The following TRIQK variants were observed in gnomAD, a reference collection of about 807,000 sequenced individuals.
The protein encoded by TRIQK is triple QxxK/R motif-containing protein.
TRIQK carries 10 observed loss-of-function variants against 10.8 expected under a neutral mutation model. The ratio of observed to expected loss-of-function variants is 0.92; its 90% CI spans 0.57 to 1.57. The LOEUF is 1.57. TRIQK is among the 40% of genes most tolerant of loss of function. TRIQK has a pLI of 0.00. For missense variants in TRIQK, 107 were observed against 97.7 expected, an observed-to-expected ratio of 1.09 and a Z score of -0.40; for synonymous variants, 33 against 33.7, an observed-to-expected ratio of 0.98 and a Z score of 0.07.
chr8:92,961,266 G>A (rs10111926), intron 1 of TRIQK, among the ~76,000 whole-genome samples: 5,929 of 151,996 alleles, frequency 0.039, 409 homozygotes, highest in African/African-American at 0.14. Context: ...TCCATTTATC[G>A]ATAAAGGGGA....
intron 1 of TRIQK, among the ~76,000 whole-genome samples, chr8:92,990,271 C>T (rs1813083145): frequency 6.6e-6 from 1 of 152,100 alleles, no homozygotes; most frequent in South Asian, 2.1e-4. Context: ...TTAAATTAAC[C>T]AGAACATCTG....
upstream of TRIQK, among the ~76,000 whole-genome samples, chr8:92,969,231 C>T (rs914327889): frequency 2.6e-5 from 4 of 151,994 alleles, no homozygotes; most frequent in African/African-American, 9.7e-5. Context: ...TAACATGATG[C>T]CCCTCTTTGT....
At chr8:92,918,120 T>A (rs574853120) in intron 2 of TRIQK, among the ~76,000 whole-genome samples, 11 of 152,206 alleles carry the variant, frequency 7.2e-5, no homozygotes, top group African/African-American at 2.4e-4. Context: ...TATCCATTCA[T>A]CTACTGATGG....
At chr8:92,957,891 C>T (rs1812253707) in intron 1 of TRIQK, among the ~76,000 whole-genome samples, 1 of 151,802 alleles carries the variant, frequency 6.6e-6, no homozygotes, top group Non-Finnish European at 1.5e-5. Flanking sequence ...TATATATTCC[C>T]CCTTAAAGGA....
Position 92,891,971 on chromosome 8 carries a change from T to G in TRIQK, c.147+18A>C. ...GCATGCACATATCAAATTTTAAAGT[T>G]ATCAAATAGAGGTTTACCTTTATGC... On this transcript the variant is annotated intron_variant, in intron 4 of 4. Transcript: ENST00000521988. 1 of 1,514,406 alleles carries G rather than the reference T, an allele frequency of 6.6e-7. No individual in the cohort carries two copies. The highest frequency in any genetic ancestry group is 1.2e-5 in the South Asian group (1 of 81,362). 93.8% of individuals were successfully genotyped at this position (1,514,406 alleles called of 1,614,324 possible).
At chr8:93,013,128 A>G (rs182885504) in intron 1 of TRIQK, among the ~76,000 whole-genome samples, 5 of 152,316 alleles carry the variant, frequency 3.3e-5, no homozygotes, top group African/African-American at 7.2e-5. Flanking sequence ...GACTACCACT[A>G]TGAAAACTTT....
At chr8:92,896,004 GGGACCA>G (rs1435074284) in intron 3 of TRIQK, among the ~76,000 whole-genome samples, 1 of 152,114 alleles carries the variant, frequency 6.6e-6, no homozygotes, top group Non-Finnish European at 1.5e-5. Flanking sequence ...GGGAGAGAAG[GGGACCA>G]GGTGCTATTC....
chr8:92,981,366 T>A (rs753178813), intron 1 of TRIQK, among the ~76,000 whole-genome samples: 5 of 152,074 alleles, frequency 3.3e-5, no homozygotes, highest in Non-Finnish European at 5.9e-5. Flanking sequence ...TCTATGTCTA[T>A]CTATTAGATC....
intron 1 of TRIQK, among the ~76,000 whole-genome samples, chr8:92,980,051 ATAATGTC>A (rs1812970891): frequency 6.6e-6 from 1 of 152,108 alleles, no homozygotes; most frequent in Non-Finnish European, 1.5e-5. Flanking sequence ...AGAAAGATTT[ATAATGTC>A]TCACCATTAG....
chr8:93,007,729 CAA>C (rs1267507183), intron 1 of TRIQK, among the ~76,000 whole-genome samples: 1 of 152,130 alleles, frequency 6.6e-6, no homozygotes. Context: ...CTTCACAATG[CAA>C]AGACAAGTAT....
intron 1 of TRIQK, among the ~76,000 whole-genome samples, chr8:93,004,687 C>T (rs1311161756): frequency 1.3e-5 from 2 of 152,184 alleles, no homozygotes; most frequent in Admixed American, 6.5e-5. Context: ...TTAGAAGTAG[C>T]CAGGCCACAA....
intron 2 of TRIQK, among the ~76,000 whole-genome samples, chr8:92,928,705 G>A (rs945002456): frequency 1.3e-5 from 2 of 152,200 alleles, no homozygotes; most frequent in Admixed American, 6.5e-5. Flanking sequence ...TGGGAGGCCT[G>A]AGCAGGGACT....
At chr8:92,989,819 AT>A (rs1167620683) in intron 1 of TRIQK, among the ~76,000 whole-genome samples, 1 of 152,230 alleles carries the variant, frequency 6.6e-6, no homozygotes, top group Non-Finnish European at 1.5e-5. Context: ...GGACCACTGC[AT>A]TTAAGCATAA....
intron 3 of TRIQK, among the ~76,000 whole-genome samples, chr8:92,915,658 AT>A (rs11400309): frequency 7.7e-5 from 11 of 142,452 alleles, no homozygotes; most frequent in Non-Finnish European, 1.2e-4. Context: ...CGCCCGGCTA[AT>A]TTTTTTTTTT....
chr8:93,006,824 A>T (rs896036967), intron 1 of TRIQK, among the ~76,000 whole-genome samples: 1 of 152,150 alleles, frequency 6.6e-6, no homozygotes, highest in African/African-American at 2.4e-5. Flanking sequence ...CAGCAACTCC[A>T]GCCAGGGGTT....
At chr8:92,929,131 C>A (rs1201660900) in intron 2 of TRIQK, among the ~76,000 whole-genome samples, 3 of 152,122 alleles carry the variant, frequency 2.0e-5, no homozygotes, top group Non-Finnish European at 4.4e-5. Flanking sequence ...AGGCCTCACC[C>A]TTCAAAAATA....
intron 2 of TRIQK, among the ~76,000 whole-genome samples, chr8:92,944,690 G>A (rs896487169): frequency 5.3e-5 from 8 of 152,078 alleles, no homozygotes; most frequent in African/African-American, 1.9e-4. Flanking sequence ...GCAGAACGGT[G>A]GTCAACAGAG....
At chr8:92,956,181 T>C (rs1433266577) in intron 1 of TRIQK, among the ~76,000 whole-genome samples, 4 of 151,808 alleles carry the variant, frequency 2.6e-5, no homozygotes, top group Admixed American at 6.6e-5. Context: ...AAATGTGGTA[T>C]ATATCTATAT....
At chr8:92,888,786 T>G (rs1040120180) in intron 4 of TRIQK, among the ~76,000 whole-genome samples, 2 of 151,636 alleles carry the variant, frequency 1.3e-5, no homozygotes, top group African/African-American at 4.8e-5. Flanking sequence ...TTTATTTATG[T>G]AACAAAACTA....
Sources: gnomAD v4.1 joint callset for allele counts (sites outside exome capture counted in the v4.1 genomes callset) on GRCh38, gnomAD v4.1.1 for gene constraint, MANE v1.5 for transcripts, NCBI Gene and HGNC (gene_info 2026-07-23, HGNC 2026-07-21) for gene names.